The following CDH18 variants were observed in gnomAD, a reference collection of about 807,000 sequenced individuals.
CDH18 encodes cadherin-18.
In CDH18, 31 loss-of-function variants were observed where a neutral mutation model predicts 67.9. The ratio of observed to expected loss-of-function variants is 0.46; its 90% CI spans 0.34 to 0.62. The LOEUF (loss-of-function observed/expected upper bound fraction) is 0.62, where lower values mean the gene tolerates loss of function less well. CDH18 is among the 20% of genes least tolerant of loss of function. CDH18 has a pLI of 0.01. For synonymous variants in CDH18, 362 were observed against 347.2 expected (o/e 1.04, Z -0.48); for missense variants, 890 against 975.5 (o/e 0.91, Z 1.17).
chr5:20,386,797 C>T (rs1274981708), intron 1 of CDH18, among the ~76,000 whole-genome samples: 1 of 152,006 alleles, frequency 6.6e-6, no homozygotes, highest in Non-Finnish European at 1.5e-5. Flanking sequence ...CTACAGTTAT[C>T]CCAATAATTA....
intron 4 of CDH18, among the ~76,000 whole-genome samples, chr5:19,740,945 G>T (rs1769030764): frequency 6.6e-6 from 1 of 151,872 alleles, no homozygotes; most frequent in African/African-American, 2.4e-5. Flanking sequence ...CACAAAAAAA[G>T]GAAAATTTAA....
intron 2 of CDH18, among the ~76,000 whole-genome samples, chr5:20,137,368 T>A (rs1324901119): frequency 6.6e-6 from 1 of 152,166 alleles, no homozygotes; most frequent in African/African-American, 2.4e-5. Flanking sequence ...TTCCCCTTGA[T>A]TGAATCGGCT....
At chr5:20,356,719 G>GTCTCTCTC (rs199599355) in intron 1 of CDH18, among the ~76,000 whole-genome samples, 68 of 130,020 alleles carry the variant, frequency 5.2e-4, no homozygotes, top group African/African-American at 8.3e-4. Flanking sequence ...ATATACCAAG[G>GTCTCTCTC]TCTCTCTCTC....
At chr5:19,945,313 G>A (rs562711626) in intron 2 of CDH18, among the ~76,000 whole-genome samples, 1 of 152,294 alleles carries the variant, frequency 6.6e-6, no homozygotes, top group East Asian at 1.9e-4. Flanking sequence ...CAGGCAAAGA[G>A]TGCAAGGGAT....
At chr5:19,628,944 G>A (rs972854446) in intron 5 of CDH18, among the ~76,000 whole-genome samples, 5 of 151,954 alleles carry the variant, frequency 3.3e-5, no homozygotes, top group Admixed American at 2.6e-4. Flanking sequence ...AAACTAAGAG[G>A]GTGTGGCATT....
At chr5:19,598,219 G>A (rs568560687) in intron 6 of CDH18, among the ~76,000 whole-genome samples, 237 of 152,112 alleles carry the variant, frequency 1.6e-3, no homozygotes, top group Non-Finnish European at 2.2e-3. Context: ...AGTATTGTCC[G>A]TAACTTAGTA....
At chr5:20,052,493 A>T (rs1245283482) in intron 2 of CDH18, among the ~76,000 whole-genome samples, 1 of 152,062 alleles carries the variant, frequency 6.6e-6, no homozygotes, top group Admixed American at 6.6e-5. Flanking sequence ...GAAAAAAGGT[A>T]CATAAATAAC....
chr5:20,575,509 G>A (rs749281172), exon 1 of CDH18: 2 of 152,164 alleles, frequency 1.3e-5, no homozygotes, highest in Non-Finnish European at 2.9e-5. Flanking sequence ...AAGTGGAACT[G>A]GAAAGGGGAC....
chr5:19,896,177 T>G (rs977721527), intron 2 of CDH18, among the ~76,000 whole-genome samples: 2 of 151,906 alleles, frequency 1.3e-5, no homozygotes, highest in Non-Finnish European at 2.9e-5. Flanking sequence ...GCCAACATGG[T>G]GAAACCCCTT....
At chr5:20,418,390 G>T (rs1747529913) in intron 1 of CDH18, among the ~76,000 whole-genome samples, 1 of 151,508 alleles carries the variant, frequency 6.6e-6, no homozygotes, top group Non-Finnish European at 1.5e-5. Context: ...CAAGACTAGT[G>T]TCTTTTTAAC....
intron 2 of CDH18, among the ~76,000 whole-genome samples, chr5:20,008,773 T>G (rs1216076140): frequency 6.6e-6 from 1 of 152,128 alleles, no homozygotes; most frequent in Non-Finnish European, 1.5e-5. Context: ...TACAAACATT[T>G]AGAATTCTAA....
At chr5:19,957,189 G>C (rs767173160) in intron 2 of CDH18, among the ~76,000 whole-genome samples, 1 of 151,826 alleles carries the variant, frequency 6.6e-6, no homozygotes, top group Non-Finnish European at 1.5e-5. Flanking sequence ...GGGGCATCTG[G>C]AGAATCTGTT....
At chr5:19,501,231 A>G (rs1403509537) in intron 11 of CDH18, among the ~76,000 whole-genome samples, 1 of 148,120 alleles carries the variant, frequency 6.8e-6, no homozygotes, top group African/African-American at 2.4e-5. Flanking sequence ...ATATATAATT[A>G]CAATTATATA....
At chr5:20,325,944 A>C (rs1738534613) in intron 1 of CDH18, among the ~76,000 whole-genome samples, 1 of 152,132 alleles carries the variant, frequency 6.6e-6, no homozygotes, top group Non-Finnish European at 1.5e-5. Context: ...CCTGGGTGTC[A>C]TTTCACAAAT....
At position 20,529,823 on chromosome 5, in the gene CDH18, C is replaced by T. The variant is rs149589617; in HGVS notation, c.-580+45639G>A. On this transcript the variant is annotated intron_variant, in intron 1 of 14. Transcript: ENST00000507958. ...AGTTGGAAACATTCCCCTTGAAAAC[C>T]GGCAAAAGACAAGGATGCTGTCTCT... Among the ~76,000 whole-genome samples, 183 of 151,974 alleles carry T rather than the reference C, an allele frequency of 1.2e-3. 3 individuals are homozygous for T. The highest frequency in any genetic ancestry group is 4.2e-3 in the African/African-American group (176 of 41,434).
At chr5:19,968,003 C>CA (rs559540217) in intron 2 of CDH18, among the ~76,000 whole-genome samples, 17,276 of 149,578 alleles carry the variant, frequency 0.12, 2,934 homozygotes, top group African/African-American at 0.38. Flanking sequence ...TCTCAGGATA[C>CA]AAAATCAATG....
intron 11 of CDH18, among the ~76,000 whole-genome samples, chr5:19,493,607 T>C (rs1490388165): frequency 6.6e-6 from 1 of 151,938 alleles, no homozygotes; most frequent in African/African-American, 2.4e-5. Flanking sequence ...GTCCAATAAG[T>C]GAATATATTC....
chr5:19,920,186 T>C (rs1792275143), intron 2 of CDH18, among the ~76,000 whole-genome samples: 1 of 152,212 alleles, frequency 6.6e-6, no homozygotes, highest in African/African-American at 2.4e-5. Flanking sequence ...AATTTCGAAG[T>C]TATAATTCAT....
chr5:20,215,603 A>G (rs1225492253), intron 2 of CDH18, among the ~76,000 whole-genome samples: 1 of 151,928 alleles, frequency 6.6e-6, no homozygotes, highest in Non-Finnish European at 1.5e-5. Context: ...GCTACCATTT[A>G]ACTCACAATT....
Sources: gnomAD v4.1 joint callset for allele counts (sites outside exome capture counted in the v4.1 genomes callset) on GRCh38, gnomAD v4.1.1 for gene constraint, MANE v1.5 for transcripts, NCBI Gene and HGNC (gene_info 2026-07-23, HGNC 2026-07-21) for gene names.